CFAP161: variants seen among roughly 807,000 people sequenced by gnomAD.
CFAP161 encodes the protein cilia- and flagella-associated protein 161.
A neutral mutation model predicts 29.0 loss-of-function variants in CFAP161; 25 were observed. That is an observed-to-expected ratio of 0.86 (90% confidence interval 0.63 to 1.20). The LOEUF is 1.20. CFAP161 is among the 50% of genes most tolerant of loss of function. CFAP161 has a pLI of 0.00. For missense variants in CFAP161, 367 were observed against 371.9 expected (o/e 0.99, Z 0.11); for synonymous variants, 116 against 137.4 (o/e 0.84, Z 1.09).
chr15:81,148,764 G>A lies in CFAP161; in HGVS notation c.*231G>A, dbSNP rs1210970767. 1.0e-5 allele frequency: 4 copies of A among 383,816 alleles called. No individual in the cohort carries two copies. The highest frequency in any genetic ancestry group is 7.1e-4 in the Middle Eastern group (1 of 1,414). 23.8% of individuals were successfully genotyped at this position (383,816 alleles called of 1,614,324 possible). A position where few individuals can be genotyped will look rare whatever the true frequency, so the allele number is the denominator to read the frequency against. On this transcript the variant is annotated 3_prime_UTR_variant, in exon 7 of 7. Transcript: ENST00000286732. ...TAGTATTTGAAAGTGACAAACAATAGCCTTTTGTTGATAAACAAATTCTGA... is the reference window on the plus strand; with the variant it reads ...TAGTATTTGAAAGTGACAAACAATAACCTTTTGTTGATAAACAAATTCTGA...
At chr15:81,144,345 A>G (rs1040484361) in intron 5 of CFAP161, among the ~76,000 whole-genome samples, 3 of 152,230 alleles carry the variant, frequency 2.0e-5, no homozygotes, top group African/African-American at 7.2e-5. Flanking sequence ...CTGCAATCCC[A>G]GCACTTTGGG....
intron 1 of CFAP161, among the ~76,000 whole-genome samples, chr15:81,116,820 T>G (rs140496134): frequency 1.8e-4 from 28 of 152,310 alleles, no homozygotes; most frequent in African/African-American, 6.3e-4. Context: ...GTTGGAGAGT[T>G]GTAGCCAAAT....
At chr15:81,119,365 T>C (rs1894541205) in intron 1 of CFAP161, among the ~76,000 whole-genome samples, 1 of 152,146 alleles carries the variant, frequency 6.6e-6, no homozygotes, top group Admixed American at 6.5e-5. Context: ...ATTTTTATAA[T>C]CTTTTATAAA....
intron 1 of CFAP161, among the ~76,000 whole-genome samples, chr15:81,113,436 G>A (rs1242177607): frequency 6.6e-6 from 1 of 152,166 alleles, no homozygotes; most frequent in Admixed American, 6.5e-5. Flanking sequence ...AAAGCGTTCG[G>A]TTTTACAAGA....
At chr15:81,137,456 C>T (rs995800633) in intron 3 of CFAP161, among the ~76,000 whole-genome samples, 13 of 152,016 alleles carry the variant, frequency 8.6e-5, no homozygotes, top group African/African-American at 2.9e-4. Context: ...ATTAGCTGGG[C>T]GTGGTGGCAG....
intron 1 of CFAP161, among the ~76,000 whole-genome samples, chr15:81,104,542 C>G (rs947624927): frequency 1.3e-5 from 2 of 152,166 alleles, no homozygotes. Flanking sequence ...GATATGGTAT[C>G]CAAGGGAGTT....
intron 1 of CFAP161, among the ~76,000 whole-genome samples, chr15:81,121,562 T>C (rs1158866632): frequency 6.6e-6 from 1 of 151,926 alleles, no homozygotes; most frequent in Non-Finnish European, 1.5e-5. Flanking sequence ...TATATATATA[T>C]ATTAATTAGA....
chr15:81,109,037 T>C (rs964476430), intron 1 of CFAP161, among the ~76,000 whole-genome samples: 1 of 151,890 alleles, frequency 6.6e-6, no homozygotes, highest in Non-Finnish European at 1.5e-5. Context: ...ATAAGAGGAG[T>C]GAGCAGGAGC....
At chr15:81,134,449 C>T (rs1264286860) in intron 1 of CFAP161, 51 bp downstream of exon 1, 4 of 1,542,358 alleles carry the variant, frequency 2.6e-6, no homozygotes, top group African/African-American at 1.4e-5. Flanking sequence ...ACTCCCAGAC[C>T]CTGCTCTAAG....
upstream of CFAP161, among the ~76,000 whole-genome samples, chr15:81,133,220 TATATGTA>T (rs1483381257): frequency 0.02 from 599 of 30,168 alleles, 38 homozygotes; most frequent in African/African-American, 0.025. Flanking sequence ...TATATATATA[TATATGTA>T]TTTTTTTTTA....
At chr15:81,100,328 A>T (rs994534119) in intron 1 of CFAP161, among the ~76,000 whole-genome samples, 5 of 151,180 alleles carry the variant, frequency 3.3e-5, no homozygotes, top group African/African-American at 1.2e-4. Flanking sequence ...TCTATTATAG[A>T]GTTCTTTATT....
chr15:81,143,412 T>C (rs1894947976), intron 4 of CFAP161, among the ~76,000 whole-genome samples: 1 of 152,030 alleles, frequency 6.6e-6, no homozygotes, highest in Non-Finnish European at 1.5e-5. Flanking sequence ...AAGATTGAGT[T>C]TGGTATTCAG....
At chr15:81,103,597 T>C (rs2683264) in intron 1 of CFAP161, among the ~76,000 whole-genome samples, 86,344 of 152,062 alleles carry the variant, frequency 0.57, 25,410 homozygotes, top group Non-Finnish European at 0.67. Flanking sequence ...AAGCGCCGCG[T>C]CCCGTCCCCC....
At chr15:81,132,236 T>C (rs1894721367), upstream of CFAP161, among the ~76,000 whole-genome samples, 2 of 152,126 alleles carry the variant, frequency 1.3e-5, no homozygotes, top group Non-Finnish European at 2.9e-5. Context: ...GAGATTGTGC[T>C]GCTGTACTCC....
chr15:81,131,768 A>G (rs1894714336), upstream of CFAP161, among the ~76,000 whole-genome samples: 1 of 152,222 alleles, frequency 6.6e-6, no homozygotes, highest in South Asian at 2.1e-4. Context: ...CAGAAAAAAT[A>G]TTCCAAACAA....
At chr15:81,110,640 T>C (rs1367287499) in intron 1 of CFAP161, among the ~76,000 whole-genome samples, 1 of 152,180 alleles carries the variant, frequency 6.6e-6, no homozygotes, top group Non-Finnish European at 1.5e-5. Flanking sequence ...TTTCCCTTTT[T>C]AGAAGCCAGT....
chr15:81,118,340 C>T, intron 1 of CFAP161: 1 of 410,636 alleles, frequency 2.4e-6, no homozygotes, highest in East Asian at 6.5e-5. Context: ...TGTTCTCGAA[C>T]CCTCTTTAAA....
intron 1 of CFAP161, among the ~76,000 whole-genome samples, chr15:81,109,768 A>C (rs1391235693): frequency 1.3e-5 from 2 of 152,184 alleles, no homozygotes; most frequent in Non-Finnish European, 2.9e-5. Context: ...TCTACTGTTA[A>C]TGTCAATTCT....
chr15:81,133,198 TATATATATATATATATATATATATA>T (rs1894737581), upstream of CFAP161, among the ~76,000 whole-genome samples: 1 of 55,542 alleles, frequency 1.8e-5, no homozygotes, highest in African/African-American at 6.7e-5. Flanking sequence ...TATATATATA[TATATATATATATATATATATATATA>T]TGTATTTTTT....
Sources: allele counts gnomAD v4.1 joint callset (sites outside exome capture counted in the v4.1 genomes callset), GRCh38; gene constraint gnomAD v4.1.1; transcripts MANE v1.5; gene names NCBI Gene and HGNC (gene_info 2026-07-23, HGNC 2026-07-21).